CSMD1: variants seen among roughly 807,000 people sequenced by gnomAD.
The protein encoded by CSMD1 is CUB and Sushi multiple domains 1.
CSMD1 carries 213 observed loss-of-function variants against 417.5 expected under a neutral mutation model. That is an observed-to-expected ratio of 0.51 (90% CI 0.46 to 0.57). The LOEUF is 0.57. Ranked by LOEUF, CSMD1 falls within the 20% of genes least tolerant of loss-of-function variation. The probability of loss-of-function intolerance (pLI) is 0.00; values close to 1 mark genes in which losing one functional copy is unlikely to be tolerated. For synonymous variants in CSMD1, 2,862 were observed against 1,736.8 expected (o/e 1.65, Z -16.11); for missense variants, 6,923 against 4,529.7 (o/e 1.53, Z -15.17).
chr8:3,833,286 T>A (rs115523496), intron 5 of CSMD1, among the ~76,000 whole-genome samples: 2,269 of 152,250 alleles, frequency 0.015, 51 homozygotes, highest in African/African-American at 0.051. Flanking sequence ...AACACTGATA[T>A]CTGTTTATTT....
chr8:4,524,182 G>A (rs1282780139), intron 2 of CSMD1, among the ~76,000 whole-genome samples: 3 of 151,684 alleles, frequency 2.0e-5, no homozygotes, highest in Admixed American at 1.3e-4. Context: ...AGCAGTGGGG[G>A]AAGCTAGGGG....
chr8:4,464,183 A>T (rs1228962519), intron 2 of CSMD1, among the ~76,000 whole-genome samples: 2 of 152,074 alleles, frequency 1.3e-5, no homozygotes, highest in Non-Finnish European at 2.9e-5. Context: ...CACTTACAGG[A>T]CTCTAATTTA....
At chr8:4,667,962 C>T (rs1437028909) in intron 1 of CSMD1, among the ~76,000 whole-genome samples, 1 of 152,218 alleles carries the variant, frequency 6.6e-6, no homozygotes, top group South Asian at 2.1e-4. Flanking sequence ...CTTTTACCTG[C>T]CATTGCATTT....
chr8:4,234,503 C>G (rs1290341249), intron 3 of CSMD1, among the ~76,000 whole-genome samples: 1 of 152,116 alleles, frequency 6.6e-6, no homozygotes, highest in Non-Finnish European at 1.5e-5. Flanking sequence ...CTGAATTCAG[C>G]AGTCTACACT....
chr8:3,881,637 A>T (rs1174262046), intron 5 of CSMD1, among the ~76,000 whole-genome samples: 4 of 151,222 alleles, frequency 2.6e-5, no homozygotes, highest in Non-Finnish European at 5.9e-5. Context: ...AACAAAAACA[A>T]ACAAACAAAC....
intron 3 of CSMD1, among the ~76,000 whole-genome samples, chr8:4,050,487 G>C (rs576726165): frequency 4.6e-5 from 7 of 151,938 alleles, no homozygotes; most frequent in Admixed American, 2.0e-4. Flanking sequence ...AATTTTAATT[G>C]CATCAGGGTA....
intron 3 of CSMD1, among the ~76,000 whole-genome samples, chr8:4,305,907 T>C (rs1798216525): frequency 1.3e-5 from 2 of 152,322 alleles, no homozygotes; most frequent in South Asian, 4.1e-4. Flanking sequence ...AGCATCAGAA[T>C]GTTTACCATT....
chr8:4,269,594 C>T (rs1259187717), intron 3 of CSMD1, among the ~76,000 whole-genome samples: 1 of 152,156 alleles, frequency 6.6e-6, no homozygotes, highest in African/African-American at 2.4e-5. Flanking sequence ...GCATCCTTCA[C>T]ATACAGTTTA....
At chr8:3,193,451 C>T (rs1380666975) in intron 33 of CSMD1, among the ~76,000 whole-genome samples, 6 of 152,178 alleles carry the variant, frequency 3.9e-5, no homozygotes, top group Non-Finnish European at 4.4e-5. Context: ...CACAGCTCCA[C>T]GGAACGTCTG....
intron 2 of CSMD1, among the ~76,000 whole-genome samples, chr8:4,580,051 G>A (rs1182195780): frequency 1.3e-5 from 2 of 152,156 alleles, no homozygotes; most frequent in Non-Finnish European, 2.9e-5. Flanking sequence ...CAACCTACAT[G>A]AGTGTGTTTC....
chr8:3,630,953 T>C (rs572069316), intron 7 of CSMD1, among the ~76,000 whole-genome samples: 3 of 152,184 alleles, frequency 2.0e-5, no homozygotes, highest in African/African-American at 7.2e-5. Context: ...TTCCAAGAGA[T>C]GAGACTGAAA....
At chr8:4,762,625 T>A (rs942506302) in intron 1 of CSMD1, among the ~76,000 whole-genome samples, 1 of 152,120 alleles carries the variant, frequency 6.6e-6, no homozygotes, top group Non-Finnish European at 1.5e-5. Flanking sequence ...GCCCCGCATT[T>A]GCATAGGACG....
rs377176208 is a variant in CSMD1, at chr8:4,707,986, C to A, written c.86-70428G>T. 2.6e-3 allele frequency among the ~76,000 whole-genome samples: 387 copies of A among 151,348 alleles called. 1 individual carries two copies. Among genetic ancestry groups the A allele is most frequent in the African/African-American group, 9.1e-3 (376 of 41,222 alleles). ...TTTTAAGACACATCTCACTCTGTCA[C>A]CCAGGCTAGTGCAGTGACATGAACA... On this transcript the variant is annotated intron_variant, in intron 1 of 69. Coordinates refer to ENST00000635120, the MANE Select transcript of CSMD1 (RefSeq NM_033225.6).
intron 1 of CSMD1, among the ~76,000 whole-genome samples, chr8:4,753,854 T>C (rs1480802501): frequency 6.6e-6 from 1 of 152,208 alleles, no homozygotes; most frequent in Non-Finnish European, 1.5e-5. Context: ...ATAATTGAAC[T>C]AGATTCCTTT....
intron 55 of CSMD1, among the ~76,000 whole-genome samples, chr8:2,977,166 G>C (rs1267772216): frequency 6.6e-6 from 1 of 152,036 alleles, no homozygotes; most frequent in Non-Finnish European, 1.5e-5. Context: ...TGTTACGCAG[G>C]GAAATGTGTG....
intron 1 of CSMD1, among the ~76,000 whole-genome samples, chr8:4,887,785 C>A (rs756196997): frequency 1.3e-5 from 2 of 151,588 alleles, no homozygotes; most frequent in Non-Finnish European, 2.9e-5. Context: ...TTAAATGTCT[C>A]ACTTCGTTTC....
At chr8:4,769,611 G>T (rs947912308) in intron 1 of CSMD1, among the ~76,000 whole-genome samples, 2 of 152,096 alleles carry the variant, frequency 1.3e-5, no homozygotes, top group Non-Finnish European at 2.9e-5. Flanking sequence ...AATATTCTAA[G>T]ATAATTTCTG....
At chr8:4,346,027 T>G (rs1800760249) in intron 3 of CSMD1, among the ~76,000 whole-genome samples, 1 of 152,146 alleles carries the variant, frequency 6.6e-6, no homozygotes, top group African/African-American at 2.4e-5. Context: ...AATATTACAT[T>G]CTTATTATCA....
intron 25 of CSMD1, among the ~76,000 whole-genome samples, chr8:3,290,668 T>C (rs1054194662): frequency 6.8e-6 from 1 of 147,436 alleles, no homozygotes; most frequent in Admixed American, 6.7e-5. Context: ...TTTTTGCACA[T>C]TGATTTTGTA....
Sources: allele counts gnomAD v4.1 joint callset (sites outside exome capture counted in the v4.1 genomes callset), GRCh38; gene constraint gnomAD v4.1.1; transcripts MANE v1.5; gene names NCBI Gene and HGNC (gene_info 2026-07-23, HGNC 2026-07-21).